The following UMODL1 variants were observed in gnomAD, a reference collection of about 807,000 sequenced individuals.
UMODL1 encodes the protein uromodulin-like 1.
In UMODL1, 128 loss-of-function variants were observed where a neutral mutation model predicts 136.3. The ratio of observed to expected loss-of-function variants is 0.94; its 90% CI spans 0.81 to 1.09. UMODL1 has a LOEUF of 1.09. UMODL1 is among the 50% of genes least tolerant of loss of function. The pLI is 0.00. For missense variants in UMODL1, 1,766 were observed against 1,725.6 expected, an observed-to-expected ratio of 1.02 and a Z score of -0.41; for synonymous variants, 721 against 720.0, an observed-to-expected ratio of 1.00 and a Z score of -0.02.
In UMODL1 at chr21:42,109,673, C is replaced by T. The variant is rs200278702; in HGVS notation, c.1631C>T (p.Pro544Leu). The change falls in exon 10 of 23, where the codon CCC (proline) becomes CTC (leucine). Residue 544 changes from proline to leucine, a missense_variant. By Grantham distance (98) the Pro-to-Leu change is moderately conservative. Coordinates refer to ENST00000408910, the MANE Select transcript of UMODL1 (RefSeq NM_001004416.3). ...TGCCGTACCACCAGGGACGCCACCC[C>T]CTCCCGCGCAGGCCGGGCCTGTGAG... ...CQCRTTRDATPSRAGRACEGD... is the reference protein window; with the variant it reads ...CQCRTTRDATLSRAGRACEGD... 31 of 1,606,140 alleles carry T rather than the reference C, an allele frequency of 1.9e-5. 1 individual carries two copies. Among genetic ancestry groups the T allele is most frequent in the Non-Finnish European group, 1.8e-5 (21 of 1,180,002 alleles).
At chr21:42,083,519 C>T (rs183675242) in intron 2 of UMODL1, among the ~76,000 whole-genome samples, 218 of 152,328 alleles carry the variant, frequency 1.4e-3, no homozygotes, top group African/African-American at 5.0e-3. Context: ...AGAGCTGCTC[C>T]GAGCTCCCCT....
At chr21:42,105,067 A>G (rs891148911) in intron 9 of UMODL1, among the ~76,000 whole-genome samples, 3 of 152,106 alleles carry the variant, frequency 2.0e-5, no homozygotes, top group Non-Finnish European at 4.4e-5. Flanking sequence ...ACCTTCCCCC[A>G]CCAGGAGGTG....
rs553871340 is a variant in UMODL1 at position 42,099,348 on chromosome 21, A to C, written c.1186+168A>C. ...CCAGTCATCCCACTGCCTGCCCGGC[A>C]TTGCACCGGCCCGCTGGTGCCTTCA... On this transcript the variant is annotated intron_variant, in intron 7 of 22. Transcript: ENST00000408910. This position sits in a 1 kb window ranked among gnomAD's most constrained non-coding sequence, Gnocchi z 4.1. Among the ~76,000 whole-genome samples the C allele has an allele frequency of 4.6e-4, 70 of 152,044 alleles. No individual in the cohort carries two copies. Among genetic ancestry groups the C allele is most frequent in the Non-Finnish European group, 8.7e-4 (59 of 68,010 alleles).
At chr21:42,125,230 C>T (rs889451876) in intron 17 of UMODL1, among the ~76,000 whole-genome samples, 8 of 152,156 alleles carry the variant, frequency 5.3e-5, no homozygotes, top group African/African-American at 1.9e-4. Context: ...GAGTAAGGAG[C>T]TAGCCCTGGG....
intron 9 of UMODL1, chr21:42,108,275 G>A (rs758048156): frequency 1.6e-5 from 8 of 502,696 alleles, no homozygotes; most frequent in Non-Finnish European, 3.3e-5. Context: ...CCCCAACCCG[G>A]AGCACCCCCA....
chr21:42,065,924 C>T (rs934638984), intron 1 of UMODL1, among the ~76,000 whole-genome samples: 4 of 152,212 alleles, frequency 2.6e-5, no homozygotes, highest in Admixed American at 6.5e-5. Flanking sequence ...CGCTGCCCTC[C>T]GCAGCCAGGT....
upstream of UMODL1, among the ~76,000 whole-genome samples, chr21:42,068,268 G>A (rs79536595): frequency 4.5e-3 from 689 of 152,358 alleles, 7 homozygotes; most frequent in African/African-American, 0.015. The surrounding 1 kb of genome is among the most constrained non-coding windows in gnomAD (Gnocchi z 5.5). Context: ...GTGAGCACCT[G>A]AGTCACCCGG....
Position 42,076,868 on chromosome 21 carries a change from T to G in UMODL1, c.319+621T>G, listed in dbSNP as rs547430748. On this transcript the variant is annotated intron_variant, in intron 2 of 22. Transcript: ENST00000408910. ...TCCTCAGTGCAGTTTGGAAGCTGCT[T>G]TCCTGTAGGATGCTTGGGGCCAGTT... is the stretch of plus-strand genomic sequence containing the variant. 1.4e-4 allele frequency among the ~76,000 whole-genome samples: 21 copies of G among 152,286 alleles called. No individual in the cohort carries two copies. In the Middle Eastern group the frequency reaches 0.017, roughly 123 times the overall value.
At position 42,115,933 on chromosome 21, in the gene UMODL1, G is replaced by C; in HGVS notation, c.2423G>C (p.Arg808Pro). ...AATGTCAGGTACTCAGAATCCTTTC[G>C]CAACGCAAGCAGCCAGGAGTATCGA... ...IKNVRYSESF[R>P]NASSQEYRDF... Residue 808 changes from arginine to proline, a missense_variant, in exon 14 of 23, where the codon CGC becomes CCC. Physicochemically the swap from Arg to Pro is moderately radical, Grantham distance 103. Coordinates refer to ENST00000408910, the MANE Select transcript of UMODL1 (RefSeq NM_001004416.3). The C allele has an allele frequency of 6.2e-7, 1 of 1,613,938 alleles. No individual in the cohort carries two copies. Among genetic ancestry groups the C allele is most frequent in the Non-Finnish European group, 8.5e-7 (1 of 1,179,992 alleles).
At position 42,122,858 on chromosome 21, in the gene UMODL1, C is replaced by T. The variant is rs1337655245; in HGVS notation, c.2855C>T (p.Ala952Val). The change falls in exon 17 of 23, where the codon GCC becomes GTC. Residue 952 changes from alanine to valine, a missense_variant. By Grantham distance (64) the Ala-to-Val change is moderately conservative. Transcript: ENST00000408910. The surrounding 1 kb of genome is among the most constrained non-coding windows in gnomAD (Gnocchi z 4.3). ...GACTCTCCTGGCAATGAAACCTGGG[C>T]CACCAGCCCAGAGAGGCCTCTCACC... Reference protein sequence around the residue: ...EGDSPGNETWATSPERPLTTA... With the variant: ...EGDSPGNETWVTSPERPLTTA... 1 of 1,601,176 alleles carries T rather than the reference C, an allele frequency of 6.2e-7. No homozygotes were observed. Among genetic ancestry groups the T allele is most frequent in the South Asian group, 1.1e-5 (1 of 90,476 alleles).
At chr21:42,112,083 C>T (rs958807495) in intron 12 of UMODL1, among the ~76,000 whole-genome samples, 2 of 151,930 alleles carry the variant, frequency 1.3e-5, no homozygotes, top group East Asian at 1.9e-4. Flanking sequence ...AACTGTGTCC[C>T]GGCCCCGATC....
chr21:42,065,435 G>A (rs865794134), intron 1 of UMODL1, among the ~76,000 whole-genome samples: 2 of 152,170 alleles, frequency 1.3e-5, no homozygotes, highest in African/African-American at 2.4e-5. Context: ...ATCCAGTCAC[G>A]AAATGCTGGT....
chr21:42,106,344 C>T (rs11702347), intron 9 of UMODL1, among the ~76,000 whole-genome samples: 27,907 of 152,148 alleles, frequency 0.18, 2,645 homozygotes, highest in South Asian at 0.23. Flanking sequence ...AAACAAGAAA[C>T]GAAAACACAA....
intron 1 of UMODL1, among the ~76,000 whole-genome samples, chr21:42,075,752 G>A (rs1359146214): frequency 1.3e-5 from 2 of 152,344 alleles, no homozygotes; most frequent in East Asian, 1.9e-4. Context: ...CCTCCTCCTC[G>A]GTCACAGCGG....
intron 4 of UMODL1, among the ~76,000 whole-genome samples, 163 bp from the exon 5 acceptor site, chr21:42,088,129 CTA>C (rs2066446785): frequency 6.6e-6 from 1 of 152,180 alleles, no homozygotes; most frequent in African/African-American, 2.4e-5. Context: ...TGTAGGACTT[CTA>C]TTGGGATAGT....
chr21:42,118,282 G>T (rs1039338985), intron 14 of UMODL1, among the ~76,000 whole-genome samples: 4 of 152,226 alleles, frequency 2.6e-5, no homozygotes, highest in Non-Finnish European at 5.9e-5. Context: ...TCTCCCTGGG[G>T]TCCACAGGCT....
intron 21 of UMODL1, among the ~76,000 whole-genome samples, chr21:42,131,372 G>A (rs1426351648): frequency 6.6e-6 from 1 of 151,226 alleles, no homozygotes; most frequent in Non-Finnish European, 1.5e-5. Context: ...ACAGGAGGAG[G>A]GAGGTCTCGG....
At chr21:42,078,780 G>C (rs927591201) in intron 2 of UMODL1, among the ~76,000 whole-genome samples, 1 of 152,206 alleles carries the variant, frequency 6.6e-6, no homozygotes, top group African/African-American at 2.4e-5. Flanking sequence ...TGGCCCTTCT[G>C]TACTCTCATT....
chr21:42,066,390 C>T (rs535627963), upstream of UMODL1, among the ~76,000 whole-genome samples: 2 of 152,210 alleles, frequency 1.3e-5, no homozygotes, highest in Non-Finnish European at 2.9e-5. Context: ...TCAAGCAATT[C>T]TCCTGCCTCA....
Sources: allele counts gnomAD v4.1 joint callset (sites outside exome capture counted in the v4.1 genomes callset), GRCh38; gene constraint gnomAD v4.1.1; non-coding constraint Gnocchi (gnomAD v3.1); transcripts MANE v1.5; gene names NCBI Gene and HGNC (gene_info 2026-07-23, HGNC 2026-07-21).